The following ARIH1 variants were observed in gnomAD, a reference collection of about 807,000 sequenced individuals.
The protein encoded by ARIH1 is E3 ubiquitin-protein ligase ARIH1.
Under a neutral mutation model 85.0 loss-of-function variants are expected in ARIH1, and 8 were observed. The observed-to-expected ratio is 0.09, with a 90% confidence interval of 0.06 to 0.17. The LOEUF is 0.17. Ranked by LOEUF, ARIH1 falls within the 10% of genes least tolerant of loss-of-function variation. The probability of loss-of-function intolerance (pLI) is 1.00; values close to 1 mark genes in which losing one functional copy is unlikely to be tolerated. For missense variants in ARIH1, 311 were observed against 718.1 expected (o/e 0.43, Z 6.48); for synonymous variants, 238 against 253.6 (o/e 0.94, Z 0.59).
rs1392004426 is a variant in ARIH1 at position 72,561,496 on chromosome 15, G to A, written c.751G>A (p.Asp251Asn). ...TCTTGGTTTCAGGCGCCTGATCACAGATTCAAAAGTTAAATTAAAGTATCA... is the reference window on the plus strand; with the variant it reads ...TCTTGGTTTCAGGCGCCTGATCACAAATTCAAAAGTTAAATTAAAGTATCA... ...DDNTVMRLIT[D>N]SKVKLKYQHL... is the part of the protein sequence containing the mutation. The change falls in exon 6 of 14, where the codon GAT becomes AAT. Residue 251 changes from aspartate to asparagine, a missense_variant. Transcript: ENST00000379887. 2 of 1,597,384 alleles carry A rather than the reference G, an allele frequency of 1.3e-6. No individual in the cohort carries two copies. The highest frequency in any genetic ancestry group is 1.3e-5 in the African/African-American group (1 of 74,320).
At position 72,540,464 on chromosome 15, in the gene ARIH1, C is replaced by G. The variant is rs192511477; in HGVS notation, c.444-4356C>G. On this transcript the variant is annotated intron_variant, in intron 2 of 13. Coordinates refer to ENST00000379887, the MANE Select transcript of ARIH1 (RefSeq NM_005744.5). ...TAGATTTTAGTAATTTCCAAATAAA[C>G]ATTGTGGAGTCAGGGGTGAATGGAC... 2.6e-3 allele frequency among the ~76,000 whole-genome samples: 400 copies of G among 152,048 alleles called. 3 individuals carry two copies. Among genetic ancestry groups the G allele is most frequent in the Middle Eastern group, 3.4e-3 (1 of 294 alleles).
At chr15:72,481,831 C>CTT (rs1405522355) in intron 1 of ARIH1, among the ~76,000 whole-genome samples, 1 of 151,960 alleles carries the variant, frequency 6.6e-6, no homozygotes, top group Non-Finnish European at 1.5e-5. Flanking sequence ...TCAGTATTTT[C>CTT]TTTTCTTTTC....
intron 1 of ARIH1, among the ~76,000 whole-genome samples, chr15:72,507,744 G>A (rs1307951472): frequency 6.6e-6 from 1 of 152,192 alleles, no homozygotes; most frequent in African/African-American, 2.4e-5. Context: ...CTTGATCAAA[G>A]GATAGGGGAT....
intron 9 of ARIH1, 68 bp from the exon 10 acceptor site, chr15:72,570,109 C>G (rs1175810093): frequency 6.4e-7 from 1 of 1,557,664 alleles, no homozygotes; most frequent in Non-Finnish European, 8.7e-7. Flanking sequence ...CTAGAACTGG[C>G]TTTTCCTTAA....
At chr15:72,525,121 A>C (rs552070587) in intron 2 of ARIH1, among the ~76,000 whole-genome samples, 265 of 152,086 alleles carry the variant, frequency 1.7e-3, no homozygotes, top group African/African-American at 6.1e-3. Flanking sequence ...GAACTCCTGA[A>C]CTCAAGTGAT....
chr15:72,514,089 C>T (rs2063963964), intron 1 of ARIH1, among the ~76,000 whole-genome samples: 1 of 151,452 alleles, frequency 6.6e-6, no homozygotes, highest in African/African-American at 2.4e-5. Flanking sequence ...ATCCTCCTGC[C>T]TTAGCCTCCC....
intron 1 of ARIH1, among the ~76,000 whole-genome samples, chr15:72,506,084 C>G (rs1484008126): frequency 6.6e-6 from 1 of 151,698 alleles, no homozygotes; most frequent in Non-Finnish European, 1.5e-5. Flanking sequence ...GCGCGTGGCT[C>G]ACGCCTATAA....
At chr15:72,578,816 G>GTTTTTTTTTTTTTTTTTT (rs11385438) in intron 11 of ARIH1, among the ~76,000 whole-genome samples, 2 of 140,930 alleles carry the variant, frequency 1.4e-5, no homozygotes, top group Non-Finnish European at 3.1e-5. Flanking sequence ...GTTTTTTGGT[G>GTTTTTTTTTTTTTTTTTT]TTTTGTTTTT....
chr15:72,588,234 A>C lies in ARIH1; in HGVS notation c.*4942A>C, dbSNP rs549255666. ...TCCAGACTTCATGTGAATTCTCTTA[A>C]TTAAATGTGGGCCAAAGAAAACCCG... On this transcript the variant is annotated 3_prime_UTR_variant, in exon 14 of 14. Coordinates refer to ENST00000379887, the MANE Select transcript of ARIH1 (RefSeq NM_005744.5). The C allele has an allele frequency of 7.9e-5, 12 of 152,266 alleles. No homozygotes were observed. Among genetic ancestry groups the C allele is most frequent in the Admixed American group, 4.6e-4 (7 of 15,300 alleles). 9.4% of individuals were successfully genotyped at this position (152,266 alleles called of 1,614,324 possible).
intron 11 of ARIH1, among the ~76,000 whole-genome samples, chr15:72,578,818 T>TG (rs1178468055): frequency 2.7e-5 from 4 of 148,954 alleles, no homozygotes; most frequent in South Asian, 4.2e-4. Flanking sequence ...TTTTTGGTGT[T>TG]TTGTTTTTTT....
chr15:72,474,864 G>A lies in ARIH1; in HGVS notation c.225G>A (p.Gly75=), dbSNP rs761540202. The change falls in exon 1 of 14, where the codon GGG becomes GGA. Residue 75 remains glycine, a synonymous_variant. Transcript: ENST00000379887. ...GCGGTGGCGGCGGCAGCGCTCTGGG[G>A]CCCGGCGGTGGCGGCGGCGGCGGCG... is the stretch of plus-strand genomic sequence containing the variant. The part of the protein sequence containing the change: ...ETGGGGGSAL[G]PGGGGGGGGG... 22 of 1,421,212 alleles carry A rather than the reference G, an allele frequency of 1.5e-5. No individual in the cohort carries two copies. The East Asian group carries it at 5.7e-4, about 37-fold the overall frequency. 88.0% of individuals were successfully genotyped at this position (1,421,212 alleles called of 1,614,324 possible).
At chr15:72,565,854 ATAG>A (rs1292293916) in intron 7 of ARIH1, among the ~76,000 whole-genome samples, 1 of 152,196 alleles carries the variant, frequency 6.6e-6, no homozygotes, top group Non-Finnish European at 1.5e-5. Flanking sequence ...ATTTAAATCA[ATAG>A]TAGTTTGTTT....
At chr15:72,510,768 A>AAAAAAC (rs2063947346) in intron 1 of ARIH1, among the ~76,000 whole-genome samples, 1 of 137,424 alleles carries the variant, frequency 7.3e-6, no homozygotes, top group Admixed American at 7.3e-5. Flanking sequence ...AAAAAAAAAA[A>AAAAAAC]AAGACTTTTT....
At chr15:72,497,702 AAAAAG>A (rs1182777151) in intron 1 of ARIH1, among the ~76,000 whole-genome samples, 4 of 152,302 alleles carry the variant, frequency 2.6e-5, no homozygotes, top group Admixed American at 6.5e-5. Flanking sequence ...TTATGCTTCT[AAAAAG>A]AAGAGGCTAT....
At chr15:72,476,525 C>A (rs2063795731) in intron 1 of ARIH1, among the ~76,000 whole-genome samples, 1 of 151,858 alleles carries the variant, frequency 6.6e-6, no homozygotes, top group African/African-American at 2.4e-5. Context: ...CCACCATGCT[C>A]AGCTAATTTT....
At chr15:72,555,754 A>G (rs2064172129) in intron 4 of ARIH1, 98 bp from the exon 5 acceptor site, 4 of 954,454 alleles carry the variant, frequency 4.2e-6, no homozygotes, top group Non-Finnish European at 6.7e-6. Flanking sequence ...TCCTGTAAAC[A>G]TTAAGGTATT....
intron 3 of ARIH1, among the ~76,000 whole-genome samples, chr15:72,552,548 C>A (rs1234505585): frequency 3.3e-5 from 5 of 152,134 alleles, no homozygotes; most frequent in Non-Finnish European, 7.4e-5. Flanking sequence ...CCTTGGCCTC[C>A]CAAAGTGCTG....
intron 9 of ARIH1, among the ~76,000 whole-genome samples, chr15:72,567,614 T>C (rs1424495100): frequency 6.6e-6 from 1 of 152,238 alleles, no homozygotes; most frequent in Non-Finnish European, 1.5e-5. Context: ...CAAAATTCAA[T>C]TTCAAAATTC....
At chr15:72,556,393 C>T (rs1384645663) in intron 5 of ARIH1, among the ~76,000 whole-genome samples, 2 of 152,138 alleles carry the variant, frequency 1.3e-5, no homozygotes, top group Non-Finnish European at 2.9e-5. Context: ...ATAGATTGCC[C>T]ATAGAGGAAT....
Sources: allele counts gnomAD v4.1 joint callset (sites outside exome capture counted in the v4.1 genomes callset), GRCh38; gene constraint gnomAD v4.1.1; transcripts MANE v1.5; gene names NCBI Gene and HGNC (gene_info 2026-07-23, HGNC 2026-07-21).